The following WDR25 variants were observed in gnomAD, a reference collection of about 807,000 sequenced individuals.
WDR25 encodes the protein WD repeat-containing protein 25.
A neutral mutation model predicts 47.7 loss-of-function variants in WDR25; 35 were observed. The observed-to-expected ratio is 0.73, with a 90% CI of 0.56 to 0.97. The LOEUF (loss-of-function observed/expected upper bound fraction) is 0.97, where lower values mean the gene tolerates loss of function less well. Ranked by LOEUF, WDR25 falls within the 50% of genes least tolerant of loss-of-function variation. The probability of loss-of-function intolerance (pLI) is 0.00; values close to 1 mark genes in which losing one functional copy is unlikely to be tolerated. For synonymous variants in WDR25, 248 were observed against 278.9 expected (o/e 0.89, Z 1.10); for missense variants, 634 against 704.7 (o/e 0.90, Z 1.14).
chr14:100,476,857 G>A (rs968564273), intron 3 of WDR25, among the ~76,000 whole-genome samples: 1 of 152,172 alleles, frequency 6.6e-6, no homozygotes, highest in Non-Finnish European at 1.5e-5. Flanking sequence ...GGAGAGGGGG[G>A]CATGAGCTTC....
Position 100,404,247 on chromosome 14 carries a change from C to T in WDR25, c.822+22501C>T, listed in dbSNP as rs993422946. ...GCTGAGAGGGCCTCAGGGCACGGTG[C>T]TGCAAGGTGCGGAGCTGGGAATGGA... On this transcript the variant is annotated intron_variant, in intron 2 of 6. Coordinates refer to ENST00000402312, the MANE Select transcript of WDR25 (RefSeq NM_001161476.3). The surrounding 1 kb of genome is among the most constrained non-coding windows in gnomAD (Gnocchi z 4.6). 6.6e-6 allele frequency among the ~76,000 whole-genome samples: 1 copy of T among 152,240 alleles called. No homozygotes were observed. Among genetic ancestry groups the T allele is most frequent in the East Asian group, 1.9e-4 (1 of 5,184 alleles).
At chr14:100,448,399 C>T (rs1898910200) in intron 2 of WDR25, among the ~76,000 whole-genome samples, 1 of 152,104 alleles carries the variant, frequency 6.6e-6, no homozygotes, top group East Asian at 1.9e-4. Context: ...TCCTTTTCAG[C>T]ATCTTACCCG....
intron 2 of WDR25, among the ~76,000 whole-genome samples, chr14:100,387,309 A>C (rs912851873): frequency 6.6e-6 from 1 of 152,068 alleles, no homozygotes; most frequent in East Asian, 1.9e-4. Flanking sequence ...TTTTTTGTGA[A>C]TCTTTTCATT....
chr14:100,518,919 G>A (rs1247590147), intron 4 of WDR25, among the ~76,000 whole-genome samples: 1 of 150,836 alleles, frequency 6.6e-6, no homozygotes, highest in Non-Finnish European at 1.5e-5. Context: ...GGACTCTGTT[G>A]ACAAAAATAT....
chr14:100,439,178 G>T (rs1420315259), intron 2 of WDR25, among the ~76,000 whole-genome samples: 1 of 152,258 alleles, frequency 6.6e-6, no homozygotes, highest in Admixed American at 6.5e-5. Context: ...ACCCTCCTGG[G>T]TTATTGTTAG....
chr14:100,444,746 A>G (rs1898778549), intron 2 of WDR25, among the ~76,000 whole-genome samples: 1 of 152,204 alleles, frequency 6.6e-6, no homozygotes, highest in South Asian at 2.1e-4. Context: ...GCAGCGGCGA[A>G]ACAGCTCATC....
chr14:100,391,970 G>T (rs1209530153), intron 2 of WDR25, among the ~76,000 whole-genome samples: 1 of 152,180 alleles, frequency 6.6e-6, no homozygotes, highest in Non-Finnish European at 1.5e-5. Context: ...CAGCTGTCTT[G>T]TATTAAGCCA....
intron 4 of WDR25, among the ~76,000 whole-genome samples, chr14:100,493,594 T>C (rs951920482): frequency 1.3e-5 from 2 of 152,160 alleles, no homozygotes; most frequent in African/African-American, 2.4e-5. Flanking sequence ...TGCATCAGAG[T>C]GGCCCATCTG....
chr14:100,405,746 C>T (rs1206614633), intron 2 of WDR25, among the ~76,000 whole-genome samples: 1 of 152,198 alleles, frequency 6.6e-6, no homozygotes, highest in Admixed American at 6.5e-5. Context: ...CCCTTCCTGG[C>T]AGCAGCTCTC....
rs762885779 is a variant in WDR25, at chr14:100,455,827, T to A, written c.823-12194T>A. Among the ~76,000 whole-genome samples the A allele has an allele frequency of 2.7e-4, 41 of 152,222 alleles. No individual in the cohort carries two copies. The Middle Eastern group carries it at 9.5e-3, about 35-fold the overall frequency. On this transcript the variant is annotated intron_variant, in intron 2 of 6. Transcript: ENST00000402312. ...ATGAGATCAGTTTGTAGATCACTGC[T>A]GGCCTTCTTGTTATCTATGACACAG...
chr14:100,426,217 C>T (rs1442619117), intron 2 of WDR25, among the ~76,000 whole-genome samples: 2 of 152,150 alleles, frequency 1.3e-5, no homozygotes, highest in South Asian at 2.1e-4. Context: ...AGATAATGGG[C>T]TCTGTATTGG....
rs530909234 is a variant in WDR25 at position 100,407,699 on chromosome 14, C to T, written c.822+25953C>T. 1.3e-5 allele frequency: 2 copies of T among 152,328 alleles called. No homozygotes were observed. Among genetic ancestry groups the T allele is most frequent in the African/African-American group, 2.4e-5 (1 of 41,544 alleles). The allele number at this position is 152,328 out of a possible 1,614,324, so 9.4% of individuals were successfully genotyped here. ...AGCTGTCCTCCAAAGCATACAATTA[C>T]TAAGAACAGGGACCATAGTTTCACA... On this transcript the variant is annotated intron_variant, in intron 2 of 6. Transcript: ENST00000402312. The surrounding 1 kb of genome is among the most constrained non-coding windows in gnomAD (Gnocchi z 4.1).
At chr14:100,417,466 C>G (rs112077624) in intron 2 of WDR25, among the ~76,000 whole-genome samples, 37 of 152,312 alleles carry the variant, frequency 2.4e-4, no homozygotes, top group African/African-American at 7.7e-4. Flanking sequence ...GGTGCCCCTT[C>G]CAACCCCCAC....
At chr14:100,382,207 A>T in intron 2 of WDR25, 3 of 702,786 alleles carry the variant, frequency 4.3e-6, no homozygotes, top group Non-Finnish European at 7.8e-6. Context: ...GGAGCCGTGG[A>T]CAAGTACACA....
At chr14:100,454,440 A>T in intron 2 of WDR25, 1 of 1,287,224 alleles carries the variant, frequency 7.8e-7, no homozygotes, top group Non-Finnish European at 1.0e-6. Flanking sequence ...TAAAATTGAA[A>T]ATTATGTTTG....
At chr14:100,414,707 T>C (rs978595063) in intron 2 of WDR25, among the ~76,000 whole-genome samples, 2 of 152,020 alleles carry the variant, frequency 1.3e-5, no homozygotes, top group African/African-American at 4.8e-5. Context: ...CAGGCTCATA[T>C]GGTAATTGTG....
chr14:100,457,772 C>G (rs192285532), intron 2 of WDR25, among the ~76,000 whole-genome samples: 349 of 152,238 alleles, frequency 2.3e-3, no homozygotes, highest in Non-Finnish European at 4.0e-3. Context: ...GTAAAATACA[C>G]AATAACAATA....
intron 4 of WDR25, among the ~76,000 whole-genome samples, chr14:100,489,601 C>G (rs759536866): frequency 6.4e-4 from 97 of 152,298 alleles, no homozygotes; most frequent in Non-Finnish European, 1.2e-3. Context: ...TCAGTTAAGG[C>G]AAGATTGAAC....
chr14:100,439,838 TA>T (rs967879944), intron 2 of WDR25, among the ~76,000 whole-genome samples: 4 of 152,260 alleles, frequency 2.6e-5, no homozygotes, highest in African/African-American at 9.6e-5. Flanking sequence ...TTGAGGGTTT[TA>T]TAGCAAAAAT....
Sources: allele counts gnomAD v4.1 joint callset (sites outside exome capture counted in the v4.1 genomes callset), GRCh38; gene constraint gnomAD v4.1.1; non-coding constraint Gnocchi (gnomAD v3.1); transcripts MANE v1.5; gene names NCBI Gene and HGNC (gene_info 2026-07-23, HGNC 2026-07-21).